The following UNC5C variants were observed in gnomAD, a reference collection of about 807,000 sequenced individuals.
UNC5C encodes unc-5 netrin receptor C, also known as netrin receptor UNC5C.
UNC5C carries 47 observed loss-of-function variants against 99.8 expected under a neutral mutation model. That is an observed-to-expected ratio of 0.47 (90% confidence interval 0.37 to 0.60). The LOEUF (loss-of-function observed/expected upper bound fraction) is 0.60, where lower values mean the gene tolerates loss of function less well. Among genes scored for constraint, UNC5C ranks in the 20% least tolerant of loss-of-function variants. The probability of loss-of-function intolerance (pLI) is 0.00; values close to 1 mark genes in which losing one functional copy is unlikely to be tolerated. For missense variants in UNC5C, 1,062 were observed against 1,165.9 expected (o/e 0.91, Z 1.30); for synonymous variants, 487 against 452.2 (o/e 1.08, Z -0.98).
At chr4:95,517,105 T>G (rs1475726175) in intron 1 of UNC5C, among the ~76,000 whole-genome samples, 2 of 152,166 alleles carry the variant, frequency 1.3e-5, no homozygotes, top group African/African-American at 4.8e-5. Flanking sequence ...CCAAATGTCA[T>G]AGCATATGAA....
chr4:95,201,739 G>A (rs1255239398), intron 12 of UNC5C, among the ~76,000 whole-genome samples: 2 of 151,960 alleles, frequency 1.3e-5, no homozygotes. Flanking sequence ...GAGTAGCTGG[G>A]ACTACAGATG....
intron 1 of UNC5C, among the ~76,000 whole-genome samples, chr4:95,476,362 C>T (rs1346205978): frequency 2.6e-5 from 4 of 152,072 alleles, no homozygotes. Context: ...CTACCATCTC[C>T]ACAGGGTACT....
chr4:95,269,218 A>G (rs984621460), intron 4 of UNC5C, among the ~76,000 whole-genome samples: 1 of 152,322 alleles, frequency 6.6e-6, no homozygotes, highest in East Asian at 1.9e-4. Context: ...AAGCATTGGT[A>G]GATTCTAACA....
At position 95,301,590 on chromosome 4, in the gene UNC5C, T is replaced by C; in HGVS notation, c.490+16A>G. 4 of 1,613,902 alleles carry C rather than the reference T, an allele frequency of 2.5e-6. No homozygotes were observed. Among genetic ancestry groups the C allele is most frequent in the Non-Finnish European group, 3.4e-6 (4 of 1,179,870 alleles). On this transcript the variant is annotated intron_variant, in intron 3 of 15. Transcript: ENST00000453304. Reference sequence around the variant, plus strand: ...CAACTTCTGAGACCCAAGGTGCTTATTGTACAATGACTCACATGCAATGCG... The same window carrying C: ...CAACTTCTGAGACCCAAGGTGCTTACTGTACAATGACTCACATGCAATGCG...
In UNC5C at chr4:95,185,977, TAC is replaced by T. The variant is rs1491022377; in HGVS notation, c.2137-783_2137-782del. On this transcript the variant is annotated intron_variant, in intron 12 of 15. Coordinates refer to ENST00000453304, the MANE Select transcript of UNC5C (RefSeq NM_003728.4). ...ACATAATTTTCTTATACTATACAGATACAACATAAAGACAGATTCTATATATA... is the reference window on the plus strand; with the variant it reads ...ACATAATTTTCTTATACTATACAGATAACATAAAGACAGATTCTATATATA... 3.9e-5 allele frequency among the ~76,000 whole-genome samples: 6 copies of T among 152,118 alleles called. No individual in the cohort carries two copies. In the East Asian group the frequency reaches 1.2e-3, roughly 29 times the overall value.
chr4:95,463,528 G>C (rs898757306), intron 1 of UNC5C, among the ~76,000 whole-genome samples: 2 of 152,104 alleles, frequency 1.3e-5, no homozygotes, highest in African/African-American at 4.8e-5. Context: ...AGGAGGAAAC[G>C]TGGGGGTTTC....
intron 1 of UNC5C, among the ~76,000 whole-genome samples, chr4:95,458,216 A>G (rs1296786358): frequency 6.6e-6 from 1 of 152,142 alleles, no homozygotes; most frequent in African/African-American, 2.4e-5. Flanking sequence ...GGAGCTCAGC[A>G]TTGGAAAGAG....
intron 3 of UNC5C, among the ~76,000 whole-genome samples, chr4:95,291,666 C>T (rs1156662641): frequency 3.3e-5 from 5 of 152,194 alleles, no homozygotes; most frequent in African/African-American, 1.2e-4. Context: ...TATAGACTGA[C>T]ACAATCAGGT....
At chr4:95,546,896 CT>C (rs1472736854) in intron 1 of UNC5C, among the ~76,000 whole-genome samples, 1 of 152,112 alleles carries the variant, frequency 6.6e-6, no homozygotes, top group Non-Finnish European at 1.5e-5. Context: ...TTTAACTTGT[CT>C]TTTTCCCAAA....
At chr4:95,352,877 C>A (rs914943056) in intron 1 of UNC5C, among the ~76,000 whole-genome samples, 1 of 152,120 alleles carries the variant, frequency 6.6e-6, no homozygotes, top group Admixed American at 6.6e-5. Context: ...CTCTCAACTC[C>A]ATTTATGCCA....
At chr4:95,351,686 A>T (rs1202472719) in intron 1 of UNC5C, among the ~76,000 whole-genome samples, 2 of 118,958 alleles carry the variant, frequency 1.7e-5, no homozygotes, top group Non-Finnish European at 3.5e-5. Flanking sequence ...TTGTGTCTTT[A>T]AAAAAAATTA....
rs1366469458 is a variant in UNC5C at position 95,282,226 on chromosome 4, C to T, written c.491-3864G>A. On this transcript the variant is annotated intron_variant, in intron 3 of 15. Transcript: ENST00000453304. ...GTAGGAGAAAACCCAAGGAAGTTAG[C>T]ATCAGAGCAGCCAAGAGGAAAATAA... Among the ~76,000 whole-genome samples the T allele has an allele frequency of 6.6e-5, 10 of 152,238 alleles. No individual in the cohort carries two copies. The East Asian group carries it at 7.7e-4, about 12-fold the overall frequency.
intron 1 of UNC5C, among the ~76,000 whole-genome samples, chr4:95,357,145 T>TTA: frequency 6.7e-6 from 1 of 149,478 alleles, no homozygotes; most frequent in Non-Finnish European, 1.5e-5. Flanking sequence ...GTTTTTTTTT[T>TTA]TATTTAAAGA....
intron 12 of UNC5C, among the ~76,000 whole-genome samples, chr4:95,199,094 G>A (rs192112871): frequency 3.3e-5 from 5 of 152,208 alleles, no homozygotes; most frequent in South Asian, 2.1e-4. Flanking sequence ...GAGCATGAGC[G>A]TGAGTCAGGA....
At chr4:95,339,421 A>C (rs1424204134) in intron 1 of UNC5C, among the ~76,000 whole-genome samples, 3 of 152,062 alleles carry the variant, frequency 2.0e-5, no homozygotes, top group African/African-American at 7.2e-5. Flanking sequence ...GTTTACTGAG[A>C]TCAGTACCTT....
intron 1 of UNC5C, among the ~76,000 whole-genome samples, chr4:95,401,777 T>C (rs111942723): frequency 1.1e-4 from 16 of 152,006 alleles, no homozygotes; most frequent in African/African-American, 3.6e-4. Context: ...CCGAGCAGAG[T>C]TGTGTGATAT....
intron 4 of UNC5C, among the ~76,000 whole-genome samples, chr4:95,263,438 C>T (rs1036391502): frequency 2.6e-5 from 4 of 152,154 alleles, no homozygotes; most frequent in African/African-American, 9.7e-5. Flanking sequence ...GCAAGAAATT[C>T]TACCAGGGGA....
At chr4:95,194,900 C>T (rs1249088573) in intron 12 of UNC5C, among the ~76,000 whole-genome samples, 1 of 152,104 alleles carries the variant, frequency 6.6e-6, no homozygotes, top group Non-Finnish European at 1.5e-5. Context: ...CATGGCAAGT[C>T]ATTTCTAAGA....
chr4:95,529,101 G>A (rs1722570879), intron 1 of UNC5C, among the ~76,000 whole-genome samples: 1 of 151,032 alleles, frequency 6.6e-6, no homozygotes, highest in African/African-American at 2.4e-5. Context: ...ATCCTGACAA[G>A]ATTTTAAGTT....
Sources: gnomAD v4.1 joint callset for allele counts (sites outside exome capture counted in the v4.1 genomes callset) on GRCh38, gnomAD v4.1.1 for gene constraint, MANE v1.5 for transcripts, NCBI Gene and HGNC (gene_info 2026-07-23, HGNC 2026-07-21) for gene names.